The following KCND2 variants were observed in gnomAD, a reference collection of about 807,000 sequenced individuals.
KCND2 encodes potassium voltage-gated channel subfamily D member 2, also known as A-type voltage-gated potassium channel KCND2.
Under a neutral mutation model 54.4 loss-of-function variants are expected in KCND2, and 16 were observed. The observed-to-expected ratio is 0.29, with a 90% CI of 0.20 to 0.45. The LOEUF (loss-of-function observed/expected upper bound fraction) is 0.45. Among genes scored for constraint, KCND2 ranks in the 20% least tolerant of loss-of-function variants. The probability of loss-of-function intolerance (pLI) is 1.00; values close to 1 mark genes in which losing one functional copy is unlikely to be tolerated. For synonymous variants in KCND2, 317 were observed against 310.7 expected, an observed-to-expected ratio of 1.02 and a Z score of -0.21; for missense variants, 486 against 824.2, an observed-to-expected ratio of 0.59 and a Z score of 5.02.
chr7:120,613,584 T>C (rs1247240228), intron 1 of KCND2, among the ~76,000 whole-genome samples: 1 of 152,138 alleles, frequency 6.6e-6, no homozygotes, highest in Admixed American at 6.5e-5. Context: ...TAAAAACAGT[T>C]ATAATTTAGC....
chr7:120,632,494 T>A (rs1793245488), intron 1 of KCND2, among the ~76,000 whole-genome samples: 1 of 152,174 alleles, frequency 6.6e-6, no homozygotes, highest in South Asian at 2.1e-4. Flanking sequence ...ATTTGGGGAA[T>A]GAAAAGTACA....
At chr7:120,287,067 T>C (rs1485465915) in intron 1 of KCND2, among the ~76,000 whole-genome samples, 1 of 152,088 alleles carries the variant, frequency 6.6e-6, no homozygotes, top group Non-Finnish European at 1.5e-5. Context: ...TAGAGAATAC[T>C]ATCTAATAGA....
intron 1 of KCND2, among the ~76,000 whole-genome samples, chr7:120,320,432 G>A (rs1213897345): frequency 6.6e-6 from 1 of 152,128 alleles, no homozygotes; most frequent in African/African-American, 2.4e-5. Flanking sequence ...CTAAGGAATG[G>A]CAAGTGGTTC....
chr7:120,612,724 T>C (rs144457278), intron 1 of KCND2, among the ~76,000 whole-genome samples: 37 of 152,326 alleles, frequency 2.4e-4, no homozygotes, highest in African/African-American at 7.5e-4. Context: ...GCACTTCTTA[T>C]TGTGAACTTA....
intron 2 of KCND2, among the ~76,000 whole-genome samples, chr7:120,734,035 GC>G (rs778310985): frequency 1.3e-5 from 2 of 152,102 alleles, no homozygotes; most frequent in East Asian, 1.9e-4. Context: ...GAATTGGGCA[GC>G]CTTTGAAGCC....
chr7:120,613,532 G>C (rs533891990), intron 1 of KCND2, among the ~76,000 whole-genome samples: 12 of 152,054 alleles, frequency 7.9e-5, no homozygotes, highest in South Asian at 4.2e-4. Flanking sequence ...CTCCATCTTG[G>C]GGGGGAAGAA....
intron 1 of KCND2, among the ~76,000 whole-genome samples, chr7:120,450,118 AT>A (rs1802080377): frequency 1.3e-5 from 2 of 152,184 alleles, no homozygotes; most frequent in African/African-American, 4.8e-5. Flanking sequence ...TTCAGTAAAA[AT>A]TTACTGGTTT....
chr7:120,726,633 A>G (rs1403708062), intron 1 of KCND2, among the ~76,000 whole-genome samples: 1 of 152,216 alleles, frequency 6.6e-6, no homozygotes, highest in African/African-American at 2.4e-5. Flanking sequence ...GGGGCATTAT[A>G]CACATTACTT....
chr7:120,486,184 GA>G (rs1160789983), intron 1 of KCND2, among the ~76,000 whole-genome samples: 2 of 152,182 alleles, frequency 1.3e-5, no homozygotes, highest in East Asian at 1.9e-4. Context: ...TGAAGGCCCA[GA>G]AGGATTGTGA....
chr7:120,486,348 G>C (rs1005236972), intron 1 of KCND2, among the ~76,000 whole-genome samples: 4 of 152,028 alleles, frequency 2.6e-5, no homozygotes, highest in Non-Finnish European at 4.4e-5. Context: ...GAGCCTTCAG[G>C]GGGTGGGAGC....
rs150658565 is a variant in KCND2 at position 120,468,193 on chromosome 7, T to C, written c.1115+192446T>C. Among the ~76,000 whole-genome samples the C allele has an allele frequency of 1.9e-4, 29 of 152,246 alleles. No individual in the cohort carries two copies. In the East Asian group the frequency reaches 3.5e-3, roughly 18 times the overall value. On this transcript the variant is annotated intron_variant, in intron 1 of 5. Coordinates refer to ENST00000331113, the MANE Select transcript of KCND2 (RefSeq NM_012281.3). The stretch of plus-strand genomic sequence containing the variant: ...TAGTATAGAAAACAATGTTTGTATA[T>C]AAAGACTTTTCTCTTTGTTTTCCCG...
At chr7:120,283,518 A>G (rs542935508) in intron 1 of KCND2, among the ~76,000 whole-genome samples, 5 of 152,252 alleles carry the variant, frequency 3.3e-5, no homozygotes, top group African/African-American at 9.6e-5. Flanking sequence ...CCAATTATTC[A>G]GGAGATTATC....
At chr7:120,645,854 AC>A (rs545390206) in intron 1 of KCND2, among the ~76,000 whole-genome samples, 43 of 152,344 alleles carry the variant, frequency 2.8e-4, no homozygotes, top group African/African-American at 9.9e-4. Context: ...GTGTTCAGTG[AC>A]AAAATAGCTT....
At chr7:120,355,818 A>G (rs1193535008) in intron 1 of KCND2, among the ~76,000 whole-genome samples, 1 of 152,178 alleles carries the variant, frequency 6.6e-6, no homozygotes, top group East Asian at 1.9e-4. Context: ...AACAGAAACC[A>G]TGTCGTCATC....
chr7:120,611,686 C>A (rs1345627649), intron 1 of KCND2, among the ~76,000 whole-genome samples: 2 of 152,138 alleles, frequency 1.3e-5, no homozygotes, highest in Non-Finnish European at 2.9e-5. Flanking sequence ...TTTCTGCTCT[C>A]CACGATGAAG....
At chr7:120,331,940 T>C (rs956338121) in intron 1 of KCND2, among the ~76,000 whole-genome samples, 2 of 152,072 alleles carry the variant, frequency 1.3e-5, no homozygotes, top group South Asian at 4.1e-4. Context: ...AAAAATTTTA[T>C]TTGTATTTTA....
chr7:120,587,289 A>G (rs1389051041), intron 1 of KCND2, among the ~76,000 whole-genome samples: 3 of 152,224 alleles, frequency 2.0e-5, no homozygotes, highest in African/African-American at 7.2e-5. Context: ...GCAGAGAAGT[A>G]TATTGAGCTG....
At chr7:120,701,788 A>G (rs997115719) in intron 1 of KCND2, among the ~76,000 whole-genome samples, 1 of 152,104 alleles carries the variant, frequency 6.6e-6, no homozygotes, top group Non-Finnish European at 1.5e-5. Context: ...CCCTCCTTAC[A>G]CCATATATAA....
chr7:120,348,347 T>C (rs1800355441), intron 1 of KCND2, among the ~76,000 whole-genome samples: 2 of 152,306 alleles, frequency 1.3e-5, no homozygotes, highest in South Asian at 4.1e-4. Flanking sequence ...CCTTTCATGA[T>C]AGAACTTTAA....
Sources: allele counts gnomAD v4.1 joint callset (sites outside exome capture counted in the v4.1 genomes callset), GRCh38; gene constraint gnomAD v4.1.1; transcripts MANE v1.5; gene names NCBI Gene and HGNC (gene_info 2026-07-23, HGNC 2026-07-21).